Variants in LRRC69 observed in about 807,000 individuals in gnomAD.
LRRC69 encodes leucine rich repeat containing 69.
Under a neutral mutation model 37.8 loss-of-function variants are expected in LRRC69, and 42 were observed. The ratio of observed to expected loss-of-function variants is 1.11; its 90% CI spans 0.87 to 1.44. The LOEUF is 1.44. Among genes scored for constraint, LRRC69 ranks in the 40% most tolerant of loss-of-function variants. The probability of loss-of-function intolerance (pLI) is 0.00; values close to 1 mark genes in which losing one functional copy is unlikely to be tolerated. For synonymous variants in LRRC69, 141 were observed against 143.1 expected, an observed-to-expected ratio of 0.99 and a Z score of 0.11; for missense variants, 357 against 401.9, an observed-to-expected ratio of 0.89 and a Z score of 0.96.
intron 5 of LRRC69, chr8:91,158,600 CTT>C (rs1283845599): frequency 7.1e-7 from 1 of 1,411,046 alleles, no homozygotes; most frequent in Non-Finnish European, 1.0e-6. Context: ...GTTCTGATGT[CTT>C]TGACATTTTC....
At chr8:91,192,766 G>A (rs1418867910) in intron 6 of LRRC69, among the ~76,000 whole-genome samples, 2 of 150,826 alleles carry the variant, frequency 1.3e-5, no homozygotes, top group Admixed American at 6.6e-5. Context: ...AGATGAGTAG[G>A]TTGCAAAAAT....
chr8:91,157,882 G>A (rs1586254110), intron 5 of LRRC69: 15 of 1,595,672 alleles, frequency 9.4e-6, no homozygotes, highest in Admixed American at 1.7e-5. Context: ...TTTTAGATAA[G>A]GGAGAGTTTT....
intron 5 of LRRC69, among the ~76,000 whole-genome samples, chr8:91,146,012 C>G (rs1329247758): frequency 6.6e-6 from 1 of 151,766 alleles, no homozygotes; most frequent in Non-Finnish European, 1.5e-5. Flanking sequence ...CTATCTTTCT[C>G]TTTTTAGTTA....
At chr8:91,203,414 CAA>C (rs1809743433) in intron 7 of LRRC69, among the ~76,000 whole-genome samples, 2 of 150,086 alleles carry the variant, frequency 1.3e-5, no homozygotes, top group Admixed American at 1.3e-4. Flanking sequence ...CTTTCCGAGA[CAA>C]AGTCTGGCTC....
intron 5 of LRRC69, among the ~76,000 whole-genome samples, chr8:91,178,849 G>A (rs1368238887): frequency 2.6e-5 from 4 of 152,166 alleles, no homozygotes; most frequent in Admixed American, 1.3e-4. Flanking sequence ...GACAAGATTG[G>A]CAGGGGGCCA....
At chr8:91,215,431 T>A (rs1563630229) in intron 7 of LRRC69, among the ~76,000 whole-genome samples, 2 of 152,154 alleles carry the variant, frequency 1.3e-5, no homozygotes, top group African/African-American at 2.4e-5. Context: ...GAATGATTTT[T>A]AAAAATTTCT....
intron 5 of LRRC69, among the ~76,000 whole-genome samples, chr8:91,187,633 A>G (rs1204388068): frequency 6.6e-6 from 1 of 152,182 alleles, no homozygotes; most frequent in East Asian, 1.9e-4. Context: ...ACTGTGGGAC[A>G]TTTCAAACCT....
chr8:91,185,333 G>A (rs1461211530), intron 5 of LRRC69, among the ~76,000 whole-genome samples: 1 of 149,296 alleles, frequency 6.7e-6, no homozygotes, highest in Non-Finnish European at 1.5e-5. Flanking sequence ...GTGTCTGTCT[G>A]TCTGTCTGTC....
chr8:91,195,268 G>C (rs1809575764), intron 6 of LRRC69, among the ~76,000 whole-genome samples: 2 of 152,038 alleles, frequency 1.3e-5, no homozygotes, highest in South Asian at 4.1e-4. Context: ...TTCCAAGTGT[G>C]TGGTCAATTT....
Position 91,192,049 on chromosome 8 carries a change from T to A in LRRC69, c.753+2426T>A, listed in dbSNP as rs1234411653. 1.9e-4 allele frequency among the ~76,000 whole-genome samples: 25 copies of A among 134,500 alleles called. 1 individual carries two copies. Among genetic ancestry groups the A allele is most frequent in the Admixed American group, 1.1e-3 (12 of 11,348 alleles). The allele number at this position is 134,500 out of a possible 152,430, so 88.2% of individuals were successfully genotyped here. A position where few individuals can be genotyped will look rare whatever the true frequency, so the allele number is the denominator to read the frequency against. On this transcript the variant is annotated intron_variant, in intron 6 of 7. Coordinates refer to ENST00000448384, the Ensembl canonical transcript of LRRC69. ...TGTGATATTCCCCTTCCTGTGTCCA[T>A]GTGATCTCATTGTTCAATTCCCACC...
intron 5 of LRRC69, among the ~76,000 whole-genome samples, chr8:91,149,169 C>G (rs1366720909): frequency 6.6e-6 from 1 of 151,894 alleles, no homozygotes; most frequent in African/African-American, 2.4e-5. Flanking sequence ...ATGCCCATGT[C>G]CTGAATGGTA....
intron 7 of LRRC69, chr8:91,206,738 A>G: frequency 7.8e-7 from 1 of 1,289,780 alleles, no homozygotes; most frequent in Non-Finnish European, 1.0e-6. Context: ...TTTATTTGGT[A>G]CTGAGTGTGC....
chr8:91,135,526 G>A (rs1416894113), intron 4 of LRRC69, 142 bp from the exon 5 acceptor site: 1 of 495,214 alleles, frequency 2.0e-6, no homozygotes, highest in African/African-American at 2.0e-5. Flanking sequence ...TGCTCGGGAA[G>A]ATGTGCTGAA....
intron 6 of LRRC69, among the ~76,000 whole-genome samples, chr8:91,196,402 A>G (rs1358420253): frequency 6.6e-6 from 1 of 151,758 alleles, no homozygotes; most frequent in Non-Finnish European, 1.5e-5. Flanking sequence ...GCCTTGCTAG[A>G]TTGGGGAAGT....
intron 5 of LRRC69, among the ~76,000 whole-genome samples, chr8:91,136,923 T>C (rs997661388): frequency 3.3e-5 from 5 of 152,056 alleles, no homozygotes; most frequent in African/African-American, 1.2e-4. Context: ...TATTCAGTTG[T>C]ATGTATATAC....
chr8:91,173,895 T>G (rs1286990911), intron 5 of LRRC69, among the ~76,000 whole-genome samples: 1 of 151,788 alleles, frequency 6.6e-6, no homozygotes, highest in East Asian at 1.9e-4. Flanking sequence ...ACATAACGAA[T>G]TTTTGGGGGA....
intron 5 of LRRC69, among the ~76,000 whole-genome samples, chr8:91,145,755 G>A (rs1002987958): frequency 1.3e-5 from 2 of 151,814 alleles, no homozygotes; most frequent in Admixed American, 1.3e-4. Context: ...TGCTTTCCCT[G>A]TCACTACTTT....
At chr8:91,113,064 G>C (rs947141326) in intron 1 of LRRC69, among the ~76,000 whole-genome samples, 1 of 151,858 alleles carries the variant, frequency 6.6e-6, no homozygotes, top group Non-Finnish European at 1.5e-5. Flanking sequence ...AAAGGAAGTT[G>C]AAAAAGATAC....
intron 5 of LRRC69, chr8:91,138,771 G>A (rs1006598077): frequency 2.0e-5 from 3 of 152,052 alleles, no homozygotes; most frequent in South Asian, 2.1e-4. Context: ...TTTCAGAAAT[G>A]GCCAGATATG....
Sources: allele counts gnomAD v4.1 joint callset (sites outside exome capture counted in the v4.1 genomes callset), GRCh38; gene constraint gnomAD v4.1.1; transcripts MANE v1.5; gene names NCBI Gene and HGNC (gene_info 2026-07-23, HGNC 2026-07-21).